SLC30A7: variants seen among roughly 807,000 people sequenced by gnomAD.
SLC30A7 encodes zinc transporter 7.
In SLC30A7, 35 loss-of-function variants were observed where a neutral mutation model predicts 46.0. That is an observed-to-expected ratio of 0.76 (90% confidence interval 0.58 to 1.01). The LOEUF is 1.01. Ranked by LOEUF, SLC30A7 falls within the 50% of genes least tolerant of loss-of-function variation. The pLI is 0.00. For synonymous variants in SLC30A7, 147 were observed against 157.8 expected (o/e 0.93, Z 0.51); for missense variants, 464 against 451.1 (o/e 1.03, Z -0.26).
Position 100,896,319 on chromosome 1 carries a change from C to G in SLC30A7, c.57C>G (p.Phe19Leu), listed in dbSNP as rs757898066. The G allele has an allele frequency of 1.9e-6, 3 of 1,614,068 alleles. No individual in the cohort carries two copies. The highest frequency in any genetic ancestry group is 1.7e-5 in the Admixed American group (1 of 60,012). ...DEYKPPKFNL[F>L]GKISGWFRSI... Reference sequence around the variant, plus strand: ...ACAAACCACCCAAGTTCAATTTGTTCGGCAAGATCTCGGGCTGGTTTAGGT... The same window carrying G: ...ACAAACCACCCAAGTTCAATTTGTTGGGCAAGATCTCGGGCTGGTTTAGGT... Residue 19 changes from phenylalanine (F) to leucine (L), a missense_variant, in exon 1 of 11, where the codon TTC (phenylalanine) becomes TTG (leucine). By Grantham distance (22) the Phe-to-Leu change is conservative. Coordinates refer to ENST00000357650, the MANE Select transcript of SLC30A7 (RefSeq NM_133496.5).
intron 8 of SLC30A7, among the ~76,000 whole-genome samples, chr1:100,933,927 A>T (rs1309751134): frequency 6.6e-6 from 1 of 152,086 alleles, no homozygotes; most frequent in East Asian, 1.9e-4. Flanking sequence ...TCCATTTCTA[A>T]ACTGTTTGTT....
chr1:100,927,748 G>GT (rs1653399079), intron 8 of SLC30A7, among the ~76,000 whole-genome samples: 1 of 152,164 alleles, frequency 6.6e-6, no homozygotes, highest in African/African-American at 2.4e-5. Context: ...GCAAGGCAGG[G>GT]ATTAGAGTGG....
intron 8 of SLC30A7, among the ~76,000 whole-genome samples, chr1:100,949,478 T>C (rs1654840178): frequency 6.6e-6 from 1 of 152,196 alleles, no homozygotes; most frequent in Admixed American, 6.5e-5. Flanking sequence ...AGGAACCCAC[T>C]TGAGGAGGCA....
At chr1:100,937,603 C>G (rs1654051176) in intron 8 of SLC30A7, among the ~76,000 whole-genome samples, 1 of 151,932 alleles carries the variant, frequency 6.6e-6, no homozygotes, top group African/African-American at 2.4e-5. Context: ...TACTTATTGG[C>G]CATTTTGTAT....
intron 6 of SLC30A7, among the ~76,000 whole-genome samples, chr1:100,915,978 T>C (rs1329163945): frequency 2.0e-5 from 3 of 152,154 alleles, no homozygotes; most frequent in African/African-American, 4.8e-5. Flanking sequence ...ACAGGTATGA[T>C]ATGATATCTT....
intron 8 of SLC30A7, among the ~76,000 whole-genome samples, chr1:100,927,433 A>T (rs1178317069): frequency 2.6e-5 from 4 of 152,204 alleles, no homozygotes; most frequent in Non-Finnish European, 1.5e-5. Flanking sequence ...AAGAAGAGTG[A>T]TGAGAATGAA....
At position 100,962,989 on chromosome 1, in the gene SLC30A7, G is replaced by C. The variant is rs561907503; in HGVS notation, c.933+1071G>C. On this transcript the variant is annotated intron_variant, in intron 9 of 10. Transcript: ENST00000357650. The stretch of plus-strand genomic sequence containing the variant: ...TGCCACTTACTGAGACTGAGGCCTT[G>C]TTGGTACAGGTTTGAGGATGGAAAA... 2.6e-5 allele frequency among the ~76,000 whole-genome samples: 4 copies of C among 152,248 alleles called. No individual in the cohort carries two copies. The East Asian group carries it at 7.7e-4, about 29-fold the overall frequency.
At chr1:100,909,420 A>G (rs114750060) in intron 3 of SLC30A7, among the ~76,000 whole-genome samples, 301 of 152,282 alleles carry the variant, frequency 2.0e-3, no homozygotes, top group African/African-American at 7.0e-3. Context: ...CAGTAGGTAG[A>G]TAGATACATA....
At position 100,928,387 on chromosome 1, in the gene SLC30A7, A is replaced by G. The variant is rs191150186; in HGVS notation, c.842+6546A>G. Among the ~76,000 whole-genome samples, 843 of 152,324 alleles carry G rather than the reference A, an allele frequency of 5.5e-3. 2 individuals are homozygous for G. The highest frequency in any genetic ancestry group is 0.02 in the African/African-American group (820 of 41,570). ...CCTCCATTGGTCAGTTTTCAGGTAG[A>G]GCATGAACATGCTATGTGGCTATTT... On this transcript the variant is annotated intron_variant, in intron 8 of 10. Coordinates refer to ENST00000357650, the MANE Select transcript of SLC30A7 (RefSeq NM_133496.5).
At chr1:100,956,788 G>A (rs1049503465) in intron 8 of SLC30A7, among the ~76,000 whole-genome samples, 2 of 151,992 alleles carry the variant, frequency 1.3e-5, no homozygotes, top group Non-Finnish European at 2.9e-5. Flanking sequence ...ACTTTTAAAG[G>A]TATGTTTAAA....
rs1656588465 is a variant in SLC30A7, at chr1:100,977,316, A to G, written c.*2459A>G. 1.3e-5 allele frequency: 2 copies of G among 152,190 alleles called. No homozygotes were observed. Among genetic ancestry groups the G allele is most frequent in the Admixed American group, 6.5e-5 (1 of 15,272 alleles). 9.4% of individuals were successfully genotyped at this position (152,190 alleles called of 1,614,324 possible). ...TTTATACAGTGTTAGACTGATGTGA[A>G]TTTGCATTTGTTACATTACATTGCC... On this transcript the variant is annotated 3_prime_UTR_variant, in exon 11 of 11. Transcript: ENST00000357650.
intron 3 of SLC30A7, among the ~76,000 whole-genome samples, chr1:100,907,687 C>T (rs1283116804): frequency 6.6e-6 from 1 of 151,230 alleles, no homozygotes. Context: ...CTTACTAATT[C>T]TTCCCCTCTG....
At chr1:100,957,619 G>A (rs1424745454) in intron 8 of SLC30A7, among the ~76,000 whole-genome samples, 1 of 152,088 alleles carries the variant, frequency 6.6e-6, no homozygotes, top group East Asian at 1.9e-4. Context: ...CAAGTGTCAT[G>A]GTTTCCATGA....
chr1:100,979,463 A>AAG lies in SLC30A7; in HGVS notation c.*4606_*4607insAG, dbSNP rs1656793693. On this transcript the variant is annotated 3_prime_UTR_variant, in exon 11 of 11. Coordinates refer to ENST00000357650, the MANE Select transcript of SLC30A7 (RefSeq NM_133496.5). ...AAAAAAAAAAAAAAAAAAAAAGAAA[A>AAG]GGAGCAGGGAAGGACAGTTCTAGTT... is the stretch of plus-strand genomic sequence containing the variant. 1 of 150,828 alleles carries AAG rather than the reference A, an allele frequency of 6.6e-6. No homozygotes were observed. The highest frequency in any genetic ancestry group is 2.4e-5 in the African/African-American group (1 of 41,114). 9.3% of individuals were successfully genotyped at this position (150,828 alleles called of 1,614,324 possible).
intron 10 of SLC30A7, among the ~76,000 whole-genome samples, chr1:100,971,143 T>C (rs1156403704): frequency 6.6e-6 from 1 of 152,150 alleles, no homozygotes; most frequent in East Asian, 1.9e-4. Flanking sequence ...AAAAGCCTCC[T>C]CACAAGCCCA....
intron 8 of SLC30A7, among the ~76,000 whole-genome samples, chr1:100,958,398 G>A (rs919495425): frequency 1.3e-5 from 2 of 152,080 alleles, no homozygotes; most frequent in African/African-American, 2.4e-5. Flanking sequence ...GGATGGTCTC[G>A]ATCCCCTGAC....
intron 8 of SLC30A7, chr1:100,941,636 A>C: frequency 1.7e-6 from 1 of 600,070 alleles, no homozygotes; most frequent in Non-Finnish European, 3.2e-6. Flanking sequence ...GCCAGCAACA[A>C]ATATCTTTTT....
chr1:100,989,997 C>A, the SLC30A7 span: 1 of 168,398 alleles, frequency 5.9e-6, no homozygotes, highest in South Asian at 1.6e-4. Flanking sequence ...GTTTGTTACA[C>A]AAACATGCAT....
Position 100,938,018 on chromosome 1 carries a change from G to A in SLC30A7, c.842+16177G>A, listed in dbSNP as rs1359868461. ...GTCCTTTCCCCATTGAATTGCCTTG[G>A]CATCTATGTTGAAAACCATTTAACC... On this transcript the variant is annotated intron_variant, in intron 8 of 10. Transcript: ENST00000357650. 2.0e-5 allele frequency among the ~76,000 whole-genome samples: 3 copies of A among 152,214 alleles called. No homozygotes were observed. In the South Asian group the frequency reaches 6.2e-4, roughly 32 times the overall value.
Sources: allele counts gnomAD v4.1 joint callset (sites outside exome capture counted in the v4.1 genomes callset), GRCh38; gene constraint gnomAD v4.1.1; transcripts MANE v1.5; gene names NCBI Gene and HGNC (gene_info 2026-07-23, HGNC 2026-07-21).